The following CHORDC1 variants were observed in gnomAD, a reference collection of about 807,000 sequenced individuals.
CHORDC1 encodes cysteine and histidine-rich domain-containing protein 1.
A neutral mutation model predicts 48.3 loss-of-function variants in CHORDC1; 25 were observed. The ratio of observed to expected loss-of-function variants is 0.52; its 90% CI spans 0.38 to 0.72. CHORDC1 has a LOEUF of 0.72. Among genes scored for constraint, CHORDC1 ranks in the 30% least tolerant of loss-of-function variants. The pLI, the probability that CHORDC1 is intolerant of heterozygous loss-of-function variation, is 0.00. For missense variants in CHORDC1, 317 were observed against 388.7 expected, an observed-to-expected ratio of 0.82 and a Z score of 1.55; for synonymous variants, 128 against 126.4, an observed-to-expected ratio of 1.01 and a Z score of -0.09.
rs562269092 is a variant in CHORDC1 at position 90,201,060 on chromosome 11, A to C, written c.*1345T>G. 12 of 152,120 alleles carry C rather than the reference A, an allele frequency of 7.9e-5. No individual in the cohort carries two copies. The highest frequency in any genetic ancestry group is 1.3e-4 in the Non-Finnish European group (9 of 67,842). The allele number at this position is 152,120 out of a possible 1,614,324, so 9.4% of individuals were successfully genotyped here. ...ATTTGTAACAGAGCTAAACCTTTTAACAATTATATTAACTACAACTAAGTT... is the reference window on the plus strand; with the variant it reads ...ATTTGTAACAGAGCTAAACCTTTTACCAATTATATTAACTACAACTAAGTT... On this transcript the variant is annotated 3_prime_UTR_variant, in exon 11 of 11. Coordinates refer to ENST00000320585, the MANE Select transcript of CHORDC1 (RefSeq NM_012124.3).
intron 10 of CHORDC1, 70 bp downstream of exon 10, chr11:90,202,743 G>A (rs1857573514): frequency 1.3e-6 from 2 of 1,498,362 alleles, no homozygotes; most frequent in Non-Finnish European, 1.8e-6. Flanking sequence ...GTTTACTGAA[G>A]AATTGTCTTT....
Position 90,202,387 on chromosome 11 carries a change from C to T in CHORDC1, c.*18G>A, listed in dbSNP as rs772495528. On this transcript the variant is annotated 3_prime_UTR_variant, in exon 11 of 11. Coordinates refer to ENST00000320585, the MANE Select transcript of CHORDC1 (RefSeq NM_012124.3). ...AAAAATTCGGAAATAATGTAATAGC[C>T]TTCCTTCCATCTCCCACTCAATCTG... The T allele has an allele frequency of 3.1e-6, 5 of 1,608,538 alleles. No homozygotes were observed. The African/African-American group carries it at 5.4e-5, about 17-fold the overall frequency.
chr11:90,210,727 C>A, intron 5 of CHORDC1, 133 bp from the exon 6 acceptor site: 1 of 624,498 alleles, frequency 1.6e-6, no homozygotes, highest in East Asian at 2.8e-5. Context: ...TGCTTATATC[C>A]CCAAATTGAT....
At chr11:90,209,512 A>AC (rs1394583925) in intron 6 of CHORDC1, 1 of 152,222 alleles carries the variant, frequency 6.6e-6, no homozygotes, top group Non-Finnish European at 1.5e-5. Context: ...AAAGAAAAAA[A>AC]ATCCCTATCC....
In CHORDC1 at chr11:90,222,532, G is replaced by A. The variant is rs111440319; in HGVS notation, c.64+359C>T. The A allele has an allele frequency of 5.0e-3, 2,372 of 474,004 alleles. 58 individuals are homozygous for A. Among genetic ancestry groups the A allele is most frequent in the African/African-American group, 0.043 (2,172 of 49,970 alleles). 29.4% of individuals were successfully genotyped at this position (474,004 alleles called of 1,614,324 possible). A position where few individuals can be genotyped will look rare whatever the true frequency, so the allele number is the denominator to read the frequency against. ...TACAAAGCAAGCTCACCAGTACCTC[G>A]TTAATTTTTGCTTCCCCAGAGACTG... On this transcript the variant is annotated intron_variant, in intron 1 of 10. Coordinates refer to ENST00000320585, the MANE Select transcript of CHORDC1 (RefSeq NM_012124.3).
chr11:90,200,580 C>T lies in CHORDC1; in HGVS notation c.*1825G>A, dbSNP rs550705028. On this transcript the variant is annotated 3_prime_UTR_variant, in exon 11 of 11. Coordinates refer to ENST00000320585, the MANE Select transcript of CHORDC1 (RefSeq NM_012124.3). Reference sequence around the variant, plus strand: ...TATCTGGACAAGAAATTCAAAGGCTCCTTAAGAAGAAAGTAAATACCATGG... The same window carrying T: ...TATCTGGACAAGAAATTCAAAGGCTTCTTAAGAAGAAAGTAAATACCATGG... Among the ~76,000 whole-genome samples the T allele has an allele frequency of 4.0e-5, 6 of 151,880 alleles. No individual in the cohort carries two copies. Among genetic ancestry groups the T allele is most frequent in the Middle Eastern group, 3.4e-3 (1 of 294 alleles).
At chr11:90,211,357 C>T (rs769687608) in intron 4 of CHORDC1, 39 bp from the exon 5 acceptor site, 3 of 1,277,100 alleles carry the variant, frequency 2.3e-6, no homozygotes, top group South Asian at 1.2e-5. Context: ...TATTAATATA[C>T]CAAAATATTT....
intron 1 of CHORDC1, among the ~76,000 whole-genome samples, chr11:90,222,131 C>G (rs1210341307): frequency 6.6e-6 from 1 of 152,214 alleles, no homozygotes; most frequent in Non-Finnish European, 1.5e-5. Context: ...ATTCACTGAT[C>G]ATTTCCCGTC....
intron 5 of CHORDC1, 62 bp from the exon 6 acceptor site, chr11:90,210,656 TC>T: frequency 9.6e-7 from 1 of 1,040,228 alleles, no homozygotes; most frequent in Non-Finnish European, 1.4e-6. Flanking sequence ...GTGGCATCAT[TC>T]TTAAAAACTA....
intron 1 of CHORDC1, 133 bp from the exon 2 acceptor site, chr11:90,218,317 TTGAG>T: frequency 1.7e-6 from 1 of 605,778 alleles, no homozygotes; most frequent in East Asian, 3.3e-5. Context: ...GTACAAATGA[TTGAG>T]TTTGACGTGC....
At position 90,214,111 on chromosome 11, in the gene CHORDC1, G is replaced by C. The variant is rs1182030114; in HGVS notation, c.236C>G (p.Thr79Ser). 6 of 1,613,270 alleles carry C rather than the reference G, an allele frequency of 3.7e-6. No individual in the cohort carries two copies. The Admixed American group carries it at 8.3e-5, about 22-fold the overall frequency. The change falls in exon 4 of 11, where the codon ACT becomes AGT. Residue 79 changes from threonine (T) to serine (S), a missense_variant. Transcript: ENST00000320585. ...TTCACATAGCTCCTTCTTCTCAGTA[G>C]TCTTGACTTCAGGTTTGACTGGCTC... The part of the protein sequence containing the change: ...PPEPVKPEVK[T>S]TEKKELCELK...
intron 1 of CHORDC1, among the ~76,000 whole-genome samples, chr11:90,219,565 A>G (rs1429443926): frequency 6.6e-6 from 1 of 152,210 alleles, no homozygotes; most frequent in Non-Finnish European, 1.5e-5. Flanking sequence ...CCCAGGGCGG[A>G]AAAACACTTA....
In CHORDC1 at chr11:90,210,818, T is replaced by C. The variant is rs578130111; in HGVS notation, c.434-224A>G. The C allele has an allele frequency of 9.5e-5, 46 of 486,444 alleles. No individual in the cohort carries two copies. In the South Asian group the frequency reaches 1.2e-3, roughly 13 times the overall value. The allele number at this position is 486,444 out of a possible 1,614,324, so 30.1% of individuals were successfully genotyped here. ...CAATTTTTTCCATAACAAAATGTTA[T>C]ATCCAGTATCTTAACTTTGTAAAAT... On this transcript the variant is annotated intron_variant, in intron 5 of 10. Transcript: ENST00000320585.
chr11:90,216,028 T>C (rs1485295735), intron 2 of CHORDC1, among the ~76,000 whole-genome samples: 1 of 152,148 alleles, frequency 6.6e-6, no homozygotes, highest in African/African-American at 2.4e-5. Context: ...GTAGGTTCTT[T>C]TTCTTTAAAG....
chr11:90,213,550 A>T (rs1052367546), intron 4 of CHORDC1: 2 of 531,654 alleles, frequency 3.8e-6, no homozygotes, highest in African/African-American at 3.8e-5. Flanking sequence ...ACTTTCACAA[A>T]TATGTCATCT....
chr11:90,219,985 C>G (rs1307196350), intron 1 of CHORDC1, among the ~76,000 whole-genome samples: 1 of 152,220 alleles, frequency 6.6e-6, no homozygotes, highest in Non-Finnish European at 1.5e-5. Flanking sequence ...CCAGACAACT[C>G]TGAATGTAGC....
intron 4 of CHORDC1, chr11:90,212,109 A>G (rs1003525672): frequency 1.3e-5 from 2 of 152,182 alleles, no homozygotes; most frequent in Non-Finnish European, 2.9e-5. Context: ...CTGTCTCCGC[A>G]AAATAATAAA....
At chr11:90,222,828 C>G in intron 1 of CHORDC1, 63 bp downstream of exon 1, 1 of 1,471,710 alleles carries the variant, frequency 6.8e-7, no homozygotes, top group Non-Finnish European at 9.5e-7. Flanking sequence ...ACCCTCCGGC[C>G]CAAAGGGCCT....
chr11:90,203,447 CTG>C lies in CHORDC1; in HGVS notation c.670-22_670-21del, dbSNP rs747815493. The C allele has an allele frequency of 1.6e-5, 24 of 1,509,248 alleles. No individual in the cohort carries two copies. Among genetic ancestry groups the C allele is most frequent in the East Asian group, 6.9e-5 (3 of 43,730 alleles). 93.5% of individuals were successfully genotyped at this position (1,509,248 alleles called of 1,614,324 possible). On this transcript the variant is annotated intron_variant, in intron 8 of 10. Transcript: ENST00000320585. The stretch of plus-strand genomic sequence containing the variant: ...TTTCCCCTGTAATGTAAGAGAAACT[CTG>C]TAAGTTAAAAAAGTGCCACATAATT...
Sources: gnomAD v4.1 joint callset for allele counts (sites outside exome capture counted in the v4.1 genomes callset) on GRCh38, gnomAD v4.1.1 for gene constraint, MANE v1.5 for transcripts, NCBI Gene and HGNC (gene_info 2026-07-23, HGNC 2026-07-21) for gene names.